The following CIP2A variants were observed in gnomAD, a reference collection of about 807,000 sequenced individuals.
The protein encoded by CIP2A is protein CIP2A.
In CIP2A, 103 loss-of-function variants were observed where a neutral mutation model predicts 110.9. The observed-to-expected ratio is 0.93, with a 90% CI of 0.79 to 1.09. The LOEUF is 1.09. Among genes scored for constraint, CIP2A ranks in the 50% least tolerant of loss-of-function variants. The pLI, the probability that CIP2A is intolerant of heterozygous loss-of-function variation, is 0.00. For synonymous variants in CIP2A, 381 were observed against 361.6 expected, an observed-to-expected ratio of 1.05 and a Z score of -0.61; for missense variants, 1,088 against 1,038.4, an observed-to-expected ratio of 1.05 and a Z score of -0.66.
chr3:108,565,920 C>A (rs1301673836), intron 11 of CIP2A, among the ~76,000 whole-genome samples: 2 of 151,684 alleles, frequency 1.3e-5, no homozygotes, highest in Non-Finnish European at 3.0e-5. Flanking sequence ...CAATTACTGA[C>A]AATTGTGACA....
At chr3:108,575,264 G>A (rs998434309) in intron 8 of CIP2A, among the ~76,000 whole-genome samples, 1 of 151,016 alleles carries the variant, frequency 6.6e-6, no homozygotes, top group Admixed American at 6.6e-5. Context: ...ATATGTACAT[G>A]TGTATATACA....
chr3:108,560,936 C>T (rs1937988011), intron 13 of CIP2A, 95 bp from the exon 14 acceptor site: 2 of 710,432 alleles, frequency 2.8e-6, no homozygotes, highest in East Asian at 2.8e-5. Flanking sequence ...AGAATGGGTC[C>T]TTTTTTTGAA....
chr3:108,571,682 C>G (rs1301492795), intron 8 of CIP2A, among the ~76,000 whole-genome samples: 1 of 152,074 alleles, frequency 6.6e-6, no homozygotes, highest in Non-Finnish European at 1.5e-5. Context: ...TGAACATATT[C>G]CACTGTTAAT....
Position 108,550,073 on chromosome 3 carries a change from A to T in CIP2A, c.*1076T>A, listed in dbSNP as rs2083877946. 1 of 152,032 alleles carries T rather than the reference A, an allele frequency of 6.6e-6. No homozygotes were observed. Among genetic ancestry groups the T allele is most frequent in the Non-Finnish European group, 1.5e-5 (1 of 67,916 alleles). 9.4% of individuals were successfully genotyped at this position (152,032 alleles called of 1,614,324 possible). ...CTAAATTCACTTAAATCAAACAGAC[A>T]TATGGTGAAGAAAACACCAAGTAAA... On this transcript the variant is annotated 3_prime_UTR_variant, in exon 21 of 21. Coordinates refer to ENST00000295746, the MANE Select transcript of CIP2A (RefSeq NM_020890.3).
rs1255756155 is a variant in CIP2A at position 108,582,978 on chromosome 3, T to C, written c.356A>G (p.Gln119Arg). ...RSSHTDSVFL[Q>R]CIQLLQKLTY... ...AATACACTGTGTGGGTCTGTATACC[T>C]GCAAAAACACCGAATCAGTGTGGCT... The change falls in exon 3 of 21, where the codon CAG (glutamine) becomes CGG (arginine). Residue 119 changes from glutamine (Q) to arginine (R), a missense_variant and splice_region_variant. Coordinates refer to ENST00000295746, the MANE Select transcript of CIP2A (RefSeq NM_020890.3). 11 of 1,601,332 alleles carry C rather than the reference T, an allele frequency of 6.9e-6. No homozygotes were observed. The highest frequency in any genetic ancestry group is 2.2e-5 in the East Asian group (1 of 44,632).
intron 7 of CIP2A, among the ~76,000 whole-genome samples, chr3:108,576,865 T>C (rs772577567): frequency 5.9e-5 from 9 of 152,160 alleles, no homozygotes; most frequent in Non-Finnish European, 8.8e-5. Context: ...TGATGTATCC[T>C]AGATTTGGGA....
intron 8 of CIP2A, among the ~76,000 whole-genome samples, chr3:108,573,392 C>T (rs1938462857): frequency 6.6e-6 from 1 of 151,714 alleles, no homozygotes; most frequent in Non-Finnish European, 1.5e-5. Context: ...CACTTCTCCC[C>T]ACTTCTATCA....
chr3:108,558,144 C>T (rs905223090), intron 16 of CIP2A, among the ~76,000 whole-genome samples: 34 of 152,078 alleles, frequency 2.2e-4, no homozygotes, highest in African/African-American at 8.2e-4. Flanking sequence ...TAAGAATGTG[C>T]TATGGGGAGA....
intron 8 of CIP2A, among the ~76,000 whole-genome samples, chr3:108,570,180 T>C (rs538575019): frequency 6.6e-6 from 1 of 152,074 alleles, no homozygotes; most frequent in East Asian, 1.9e-4. Flanking sequence ...GATGTTAAGA[T>C]AAATTCCACC....
rs936253887 is a variant in CIP2A at position 108,584,247 on chromosome 3, A to C, written c.250+818T>G. Among the ~76,000 whole-genome samples, 3 of 152,224 alleles carry C rather than the reference A, an allele frequency of 2.0e-5. No homozygotes were observed. In the South Asian group the frequency reaches 6.2e-4, roughly 32 times the overall value. ...TACAGTACCCTGTAATTAAGGCACT[A>C]GGCAGCTATTAAAGATACTGATATG... On this transcript the variant is annotated intron_variant, in intron 2 of 20. Transcript: ENST00000295746.
chr3:108,570,453 C>T (rs1423496571), intron 8 of CIP2A, among the ~76,000 whole-genome samples: 2 of 152,072 alleles, frequency 1.3e-5, no homozygotes, highest in African/African-American at 4.8e-5. Flanking sequence ...ATCATTAATT[C>T]CGTTGTGTGA....
Position 108,563,200 on chromosome 3 carries a change from A to C in CIP2A, c.1560T>G (p.Asp520Glu), listed in dbSNP as rs751702106. 8.1e-6 allele frequency: 13 copies of C among 1,612,840 alleles called. No individual in the cohort carries two copies. The highest frequency in any genetic ancestry group is 1.1e-5 in the Non-Finnish European group (13 of 1,179,110). ...ITPLAFALTS[D>E]NREQVQSGLR... ...GTCCAGACTGTACTTGTTCTCTATT[A>C]TCTGACGTTAAAGCAAAAGCCAAAG... Residue 520 changes from aspartate to glutamate, a missense_variant, in exon 13 of 21, where the codon GAT becomes GAG. Transcript: ENST00000295746.
rs58758610 is a variant in CIP2A at position 108,550,991 on chromosome 3, C to T, written c.*158G>A. On this transcript the variant is annotated 3_prime_UTR_variant, in exon 21 of 21. Coordinates refer to ENST00000295746, the MANE Select transcript of CIP2A (RefSeq NM_020890.3). ...AAAATTAAATTTCTATTCAAACTATCAAATAAAAAACATGCAACAGATCAG... is the reference window on the plus strand; with the variant it reads ...AAAATTAAATTTCTATTCAAACTATTAAATAAAAAACATGCAACAGATCAG... The T allele has an allele frequency of 0.21, 79,056 of 367,898 alleles. 10,276 individuals are homozygous for T. Among genetic ancestry groups the T allele is most frequent in the East Asian group, 0.41 (8,956 of 21,588 alleles). 22.8% of individuals were successfully genotyped at this position (367,898 alleles called of 1,614,324 possible). A position where few individuals can be genotyped will look rare whatever the true frequency, so the allele number is the denominator to read the frequency against.
At chr3:108,560,054 A>T (rs1167790519) in intron 14 of CIP2A, 26 bp from the exon 15 acceptor site, 1 of 1,345,392 alleles carries the variant, frequency 7.4e-7, no homozygotes, top group East Asian at 2.3e-5. Context: ...AAAAAAACTT[A>T]AAATTTTAAT....
intron 8 of CIP2A, chr3:108,575,197 G>C (rs1390132223): frequency 6.6e-6 from 1 of 151,882 alleles, no homozygotes; most frequent in Non-Finnish European, 1.5e-5. Context: ...TTGAACCAAA[G>C]AAAGTCTAGA....
intron 4 of CIP2A, 149 bp from the exon 5 acceptor site, chr3:108,581,660 C>G (rs1938885887): frequency 1.7e-6 from 1 of 588,226 alleles, no homozygotes. Flanking sequence ...ACATAAGAAG[C>G]CAGGGAAGCT....
At chr3:108,589,233 T>C in intron 1 of CIP2A, 41 bp downstream of exon 1, 3 of 1,458,104 alleles carry the variant, frequency 2.1e-6, no homozygotes, top group Non-Finnish European at 2.9e-6. Context: ...TAAGAATTGC[T>C]AGGGGAAGCC....
intron 9 of CIP2A, among the ~76,000 whole-genome samples, chr3:108,568,521 A>G (rs1463952871): frequency 6.6e-6 from 1 of 152,020 alleles, no homozygotes; most frequent in African/African-American, 2.4e-5. Context: ...TTCTCAAATT[A>G]GACAGTAAGG....
At chr3:108,554,827 A>C (rs1269448363) in intron 17 of CIP2A, among the ~76,000 whole-genome samples, 1 of 152,232 alleles carries the variant, frequency 6.6e-6, no homozygotes, top group African/African-American at 2.4e-5. Context: ...GTCTCTTTAA[A>C]ACTCTGCATC....
Sources: allele counts gnomAD v4.1 joint callset (sites outside exome capture counted in the v4.1 genomes callset), GRCh38; gene constraint gnomAD v4.1.1; transcripts MANE v1.5; gene names NCBI Gene and HGNC (gene_info 2026-07-23, HGNC 2026-07-21).